Variants in ATP6V1H observed in about 807,000 individuals in gnomAD.
ATP6V1H encodes the protein V-type proton ATPase subunit H.
Under a neutral mutation model 71.7 loss-of-function variants are expected in ATP6V1H, and 39 were observed. The observed-to-expected ratio is 0.54, with a 90% CI of 0.42 to 0.71. The LOEUF (loss-of-function observed/expected upper bound fraction) is 0.71, where lower values mean the gene tolerates loss of function less well. ATP6V1H is among the 30% of genes least tolerant of loss of function. The pLI, the probability that ATP6V1H is intolerant of heterozygous loss-of-function variation, is 0.00. For synonymous variants in ATP6V1H, 192 were observed against 199.3 expected (o/e 0.96, Z 0.31); for missense variants, 509 against 594.9 (o/e 0.86, Z 1.50).
chr8:53,783,380 G>A (rs1014646082), intron 9 of ATP6V1H, among the ~76,000 whole-genome samples: 1 of 152,144 alleles, frequency 6.6e-6, no homozygotes, highest in African/African-American at 2.4e-5. Flanking sequence ...TGTGGGGTCG[G>A]TGGTGATATC....
intron 13 of ATP6V1H, among the ~76,000 whole-genome samples, chr8:53,716,629 A>G (rs1256567367): frequency 6.6e-6 from 1 of 152,174 alleles, no homozygotes; most frequent in Admixed American, 6.5e-5. Context: ...GCCCAGAACC[A>G]CAGAACAATC....
intron 4 of ATP6V1H, among the ~76,000 whole-genome samples, chr8:53,824,385 A>C (rs1810762107): frequency 6.6e-6 from 1 of 152,198 alleles, no homozygotes; most frequent in East Asian, 1.9e-4. Context: ...AGCAAGTATA[A>C]TGCTGATACC....
chr8:53,738,885 TAGTG>T (rs1162204555), intron 13 of ATP6V1H, among the ~76,000 whole-genome samples: 1 of 152,190 alleles, frequency 6.6e-6, no homozygotes, highest in East Asian at 1.9e-4. Flanking sequence ...TACCAGTTGA[TAGTG>T]AGATAACAGC....
At chr8:53,813,708 T>G (rs1012224231) in intron 6 of ATP6V1H, among the ~76,000 whole-genome samples, 3 of 152,154 alleles carry the variant, frequency 2.0e-5, no homozygotes, top group Admixed American at 1.3e-4. Context: ...TTTTGCCCTG[T>G]TCTGAGGAAA....
chr8:53,799,041 T>G (rs75688030), intron 8 of ATP6V1H, among the ~76,000 whole-genome samples: 2 of 152,296 alleles, frequency 1.3e-5, no homozygotes, highest in East Asian at 3.9e-4. Flanking sequence ...TTGTAGAGAT[T>G]GCTATTTCAT....
At chr8:53,808,223 C>T (rs1450696219) in intron 7 of ATP6V1H, among the ~76,000 whole-genome samples, 1 of 152,166 alleles carries the variant, frequency 6.6e-6, no homozygotes, top group Non-Finnish European at 1.5e-5. Context: ...AAACAAATCC[C>T]CAGGTTCTTT....
intron 13 of ATP6V1H, among the ~76,000 whole-genome samples, chr8:53,735,610 A>G (rs189185101): frequency 1.3e-5 from 2 of 152,174 alleles, no homozygotes; most frequent in South Asian, 2.1e-4. Context: ...CCCGCAAATC[A>G]TAAGTCCCCC....
chr8:53,744,030 CTTGT>C (rs1807508065), intron 12 of ATP6V1H, among the ~76,000 whole-genome samples: 2 of 152,030 alleles, frequency 1.3e-5, no homozygotes, highest in South Asian at 2.1e-4. Flanking sequence ...GTATTTCTTG[CTTGT>C]TTAATATCAG....
intron 2 of ATP6V1H, among the ~76,000 whole-genome samples, chr8:53,837,958 A>G (rs1811213678): frequency 1.3e-5 from 2 of 152,022 alleles, no homozygotes; most frequent in Admixed American, 6.5e-5. Context: ...GGATGGCCCC[A>G]AGGTTTTTGG....
intron 12 of ATP6V1H, among the ~76,000 whole-genome samples, chr8:53,744,384 T>C (rs759622434): frequency 2.0e-5 from 3 of 152,168 alleles, no homozygotes; most frequent in African/African-American, 4.8e-5. Flanking sequence ...AAAATGGCTA[T>C]TTCTTCATGC....
chr8:53,755,189 A>T (rs1224795848), intron 12 of ATP6V1H, among the ~76,000 whole-genome samples: 4 of 152,150 alleles, frequency 2.6e-5, no homozygotes, highest in Admixed American at 6.5e-5. Context: ...CACTGGAAAC[A>T]AAGATCATTG....
chr8:53,749,743 TAA>T (rs200663259), intron 12 of ATP6V1H, among the ~76,000 whole-genome samples: 11 of 137,650 alleles, frequency 8.0e-5, no homozygotes, highest in Admixed American at 2.9e-4. Context: ...CAGACTCCTT[TAA>T]AAAAAAAAAA....
chr8:53,813,669 C>T (rs1405537078), intron 6 of ATP6V1H, among the ~76,000 whole-genome samples: 4 of 152,198 alleles, frequency 2.6e-5, no homozygotes, highest in Admixed American at 6.5e-5. Context: ...GAAACTAACA[C>T]TCCACAGAGC....
At chr8:53,817,287 C>CA in intron 5 of ATP6V1H, 130 bp downstream of exon 5, 1 of 521,564 alleles carries the variant, frequency 1.9e-6, no homozygotes, top group East Asian at 3.4e-5. Context: ...CCTGTAATCC[C>CA]AGCACTTTGG....
At position 53,813,827 on chromosome 8, in the gene ATP6V1H, C is replaced by CA. The variant is rs201811335; in HGVS notation, c.525+834dup. On this transcript the variant is annotated intron_variant, in intron 6 of 13. Coordinates refer to ENST00000359530, the MANE Select transcript of ATP6V1H (RefSeq NM_015941.4). Reference sequence around the variant, plus strand: ...AAGGCCTGCAAGCAACCAACATGACCAGTAGGTTCGTTAGGCCTAACTAAT... The same window carrying CA: ...AAGGCCTGCAAGCAACCAACATGACCAAGTAGGTTCGTTAGGCCTAACTAAT... Among the ~76,000 whole-genome samples, 1,329 of 152,284 alleles carry CA rather than the reference C, an allele frequency of 8.7e-3. 12 individuals are homozygous for CA. Among genetic ancestry groups the CA allele is most frequent in the Non-Finnish European group, 0.013 (894 of 68,026 alleles).
chr8:53,751,755 C>T (rs562961403), intron 12 of ATP6V1H, among the ~76,000 whole-genome samples: 1 of 152,038 alleles, frequency 6.6e-6, no homozygotes, highest in Non-Finnish European at 1.5e-5. Flanking sequence ...CTGCAACCTC[C>T]GCCTCCTGGG....
Position 53,774,825 on chromosome 8 carries a change from A to G in ATP6V1H, c.871-2658T>C, listed in dbSNP as rs551516393. Among the ~76,000 whole-genome samples the G allele has an allele frequency of 2.1e-3, 315 of 152,334 alleles. 2 individuals are homozygous for G. The highest frequency in any genetic ancestry group is 6.8e-3 in the African/African-American group (284 of 41,586). On this transcript the variant is annotated intron_variant, in intron 9 of 13. Transcript: ENST00000359530. ...CCGGAAACCACAGCCTCAATGACCT[A>G]AGGAGACAGAGGACAATTCAGAGTG... is the stretch of plus-strand genomic sequence containing the variant.
At chr8:53,752,328 C>T (rs1807824561) in intron 12 of ATP6V1H, among the ~76,000 whole-genome samples, 1 of 152,172 alleles carries the variant, frequency 6.6e-6, no homozygotes, top group South Asian at 2.1e-4. Context: ...CTAGAGGCAA[C>T]ACTCTATTTT....
intron 2 of ATP6V1H, among the ~76,000 whole-genome samples, chr8:53,834,794 T>C (rs767448991): frequency 2.6e-5 from 4 of 152,000 alleles, no homozygotes; most frequent in South Asian, 2.1e-4. Flanking sequence ...TGTTGAGGAA[T>C]TGGTGTTCTC....
Sources: allele counts gnomAD v4.1 joint callset (sites outside exome capture counted in the v4.1 genomes callset), GRCh38; gene constraint gnomAD v4.1.1; transcripts MANE v1.5; gene names NCBI Gene and HGNC (gene_info 2026-07-23, HGNC 2026-07-21).